The following COL11A2 variants were observed in gnomAD, a reference collection of about 807,000 sequenced individuals.
The protein encoded by COL11A2 is collagen type XI alpha 2 chain.
In COL11A2, 116 loss-of-function variants were observed where a neutral mutation model predicts 273.4. That is an observed-to-expected ratio of 0.42 (90% CI 0.36 to 0.49). COL11A2 has a LOEUF of 0.49. Ranked by LOEUF, COL11A2 falls within the 20% of genes least tolerant of loss-of-function variation. The pLI is 0.00. For synonymous variants in COL11A2, 782 were observed against 864.2 expected, an observed-to-expected ratio of 0.90 and a Z score of 1.67; for missense variants, 1,866 against 2,309.0, an observed-to-expected ratio of 0.81 and a Z score of 3.93.
rs778423110 is a variant in COL11A2, at chr6:33,167,522, G to A, written c.4026C>T (p.Gly1342=). Residue 1342 remains glycine, a synonymous_variant, in exon 56 of 66, where the codon GGC becomes GGT. Transcript: ENST00000341947. The surrounding 1 kb of genome is among the most constrained non-coding windows in gnomAD (Gnocchi z 6.1). ...CTGTCTTCCCCGGGGCACCTATAGC[G>A]CCAGGATCTCCCTGAAACACACACA... ...QGGKGAKGDP[G]AIGAPGKTGP... 39 of 1,612,672 alleles carry A rather than the reference G, an allele frequency of 2.4e-5. No homozygotes were observed. Among genetic ancestry groups the A allele is most frequent in the East Asian group, 2.0e-4 (9 of 44,882 alleles).
chr6:33,186,057 T>C (rs796622325), intron 5 of COL11A2, among the ~76,000 whole-genome samples: 6 of 151,920 alleles, frequency 3.9e-5, no homozygotes, highest in African/African-American at 1.4e-4. Context: ...CCAGAGCCTA[T>C]CTGTATTCTA....
Position 33,171,291 on chromosome 6 carries a change from T to G in COL11A2, c.3292A>C (p.Lys1098Gln), listed in dbSNP as rs773038873. ...EVGDPGQKGT[K>Q]GNKGEHGPPG... ...CTTACATGTTCACCCTTGTTCCCTT[T>G]GGTGCCCTTCTGTCCGGGGTCCCCC... The change falls in exon 44 of 66, where the codon AAA (lysine) becomes CAA (glutamine). Residue 1098 changes from lysine (K) to glutamine (Q), a missense_variant. Physicochemically the swap from Lys to Gln is moderately conservative, Grantham distance 53. Transcript: ENST00000341947. 1 of 1,614,198 alleles carries G rather than the reference T, an allele frequency of 6.2e-7. No individual in the cohort carries two copies. The highest frequency in any genetic ancestry group is 1.1e-5 in the South Asian group (1 of 91,090).
In COL11A2 at chr6:33,178,967, C is replaced by T; in HGVS notation, c.1618G>A (p.Ala540Thr). The change falls in exon 17 of 66, where the codon GCA becomes ACA. Residue 540 changes from alanine to threonine, a missense_variant. Coordinates refer to ENST00000341947, the MANE Select transcript of COL11A2 (RefSeq NM_080680.3). This position sits in a 1 kb window ranked among gnomAD's most constrained non-coding sequence, Gnocchi z 4.6. ...ATCCCTCGGGCTCCATCAGCACCTG[C>T]CCGGCCCTGGGAGAACAAGGGAAGT... is the stretch of plus-strand genomic sequence containing the variant. The part of the protein sequence containing the change: ...PPGKAGRRGR[A>T]GADGARGMPG... 1 of 1,614,052 alleles carries T rather than the reference C, an allele frequency of 6.2e-7. No homozygotes were observed. The highest frequency in any genetic ancestry group is 8.5e-7 in the Non-Finnish European group (1 of 1,179,972).
chr6:33,181,220 A>G (rs1480072844), intron 8 of COL11A2, 50 bp from the exon 9 acceptor site: 2 of 1,583,142 alleles, frequency 1.3e-6, no homozygotes, highest in East Asian at 4.5e-5. Context: ...AGCAGCCAGG[A>G]CACTAGGCCT....
chr6:33,192,089 T>G, intron 1 of COL11A2, 70 bp downstream of exon 1: 1 of 1,420,764 alleles, frequency 7.0e-7, no homozygotes, highest in Non-Finnish European at 9.7e-7. Flanking sequence ...AGGCATCAGC[T>G]GGCCCCTTCC....
rs746830681 is a variant in COL11A2, at chr6:33,177,121, A to G, written c.2016+60T>C. ...ACAGACAAAATCCCAGCAGACATTTAGGGTTCTCCCTACATCCCCACTCTA... is the reference window on the plus strand; with the variant it reads ...ACAGACAAAATCCCAGCAGACATTTGGGGTTCTCCCTACATCCCCACTCTA... On this transcript the variant is annotated intron_variant, in intron 24 of 65. Transcript: ENST00000341947. The surrounding 1 kb of genome is among the most constrained non-coding windows in gnomAD (Gnocchi z 5.9). 1.2e-6 allele frequency: 2 copies of G among 1,612,450 alleles called. No individual in the cohort carries two copies. Among genetic ancestry groups the G allele is most frequent in the Non-Finnish European group, 1.7e-6 (2 of 1,179,576 alleles).
intron 41 of COL11A2, 100 bp from the exon 42 acceptor site, chr6:33,171,920 C>T: frequency 6.5e-6 from 10 of 1,534,386 alleles, no homozygotes; most frequent in Non-Finnish European, 9.0e-6. Context: ...AAATCAGATG[C>T]ATTCTGGCTG....
At position 33,166,699 on chromosome 6, in the gene COL11A2, G is replaced by C. The variant is rs375023453; in HGVS notation, c.4338+21C>G. On this transcript the variant is annotated intron_variant, in intron 59 of 65. Coordinates refer to ENST00000341947, the MANE Select transcript of COL11A2 (RefSeq NM_080680.3). The surrounding 1 kb of genome is among the most constrained non-coding windows in gnomAD (Gnocchi z 4.8). ...CCCACTCTCAACCCCCACAACTTCC[G>C]GGACCATGCCCTCTACTCACCATCT... 7.4e-6 allele frequency: 12 copies of C among 1,613,552 alleles called. No individual in the cohort carries two copies. Among genetic ancestry groups the C allele is most frequent in the Non-Finnish European group, 1.0e-5 (12 of 1,179,802 alleles).
Position 33,167,499 on chromosome 6 carries a change from G to C in COL11A2, c.4049C>G (p.Thr1350Arg), listed in dbSNP as rs1006789951. The part of the protein sequence containing the change: ...DPGAIGAPGK[T>R]GPVGPAGPAG... Reference sequence around the variant, plus strand: ...TGGGCCTGCAGGACCCACCGGGCCTGTCTTCCCCGGGGCACCTATAGCGCC... The same window carrying C: ...TGGGCCTGCAGGACCCACCGGGCCTCTCTTCCCCGGGGCACCTATAGCGCC... The change falls in exon 56 of 66, where the codon ACA (threonine) becomes AGA (arginine). Residue 1350 changes from threonine (T) to arginine (R), a missense_variant. By Grantham distance (71) the Thr-to-Arg change is moderately conservative. Coordinates refer to ENST00000341947, the MANE Select transcript of COL11A2 (RefSeq NM_080680.3). The surrounding 1 kb of genome is among the most constrained non-coding windows in gnomAD (Gnocchi z 6.1). 1 of 1,612,752 alleles carries C rather than the reference G, an allele frequency of 6.2e-7. No homozygotes were observed. The highest frequency in any genetic ancestry group is 1.1e-5 in the South Asian group (1 of 91,094).
At chr6:33,191,559 C>T (rs1026816264) in intron 1 of COL11A2, among the ~76,000 whole-genome samples, 5 of 152,268 alleles carry the variant, frequency 3.3e-5, no homozygotes, top group Non-Finnish European at 4.4e-5. Context: ...GCCTCAGACA[C>T]CTGATCCTGG....
Position 33,165,551 on chromosome 6 carries a change from T to C in COL11A2, c.4748A>G (p.Asp1583Gly), listed in dbSNP as rs779832829. 23 of 1,612,596 alleles carry C rather than the reference T, an allele frequency of 1.4e-5. No homozygotes were observed. Among genetic ancestry groups the C allele is most frequent in the Non-Finnish European group, 1.9e-5 (23 of 1,180,000 alleles). Residue 1583 changes from aspartate (D) to glycine (G), a missense_variant and splice_region_variant, in exon 63 of 66, where the codon GAT becomes GGT. Physicochemically the swap from Asp to Gly is moderately conservative, Grantham distance 94. Transcript: ENST00000341947. This position sits in a 1 kb window ranked among gnomAD's most constrained non-coding sequence, Gnocchi z 7.7. ...TGCACCCTGAGGCTAGCACTGACCATCGGGAAGCTCTGGGTGGCACAGCTT... is the reference window on the plus strand; with the variant it reads ...TGCACCCTGAGGCTAGCACTGACCACCGGGAAGCTCTGGGTGGCACAGCTT... ...DLKLCHPELP[D>G]GEYWVDPNQG...
Position 33,169,497 on chromosome 6 carries a change from A to G in COL11A2, c.3691-7T>C, listed in dbSNP as rs1459767980. 1 of 1,612,418 alleles carries G rather than the reference A, an allele frequency of 6.2e-7. No individual in the cohort carries two copies. Among genetic ancestry groups the G allele is most frequent in the Admixed American group, 1.7e-5 (1 of 60,008 alleles). Reference sequence around the variant, plus strand: ...CACGTTCCCCGCGTGGACCCTGCAGAACAAGCGGAGGACACAGATGGCCCA... The same window carrying G: ...CACGTTCCCCGCGTGGACCCTGCAGGACAAGCGGAGGACACAGATGGCCCA... On this transcript the variant is annotated splice_polypyrimidine_tract_variant and splice_region_variant and intron_variant, in intron 50 of 65. Transcript: ENST00000341947. The surrounding 1 kb of genome is among the most constrained non-coding windows in gnomAD (Gnocchi z 5.5).
intron 4 of COL11A2, among the ~76,000 whole-genome samples, chr6:33,187,332 G>A (rs1772559804): frequency 6.6e-6 from 1 of 152,196 alleles, no homozygotes; most frequent in Non-Finnish European, 1.5e-5. Flanking sequence ...GCCCACACAT[G>A]GTGCTTAGCA....
At position 33,168,884 on chromosome 6, in the gene COL11A2, C is replaced by T. The variant is rs371083470; in HGVS notation, c.3852+71G>A. 2.3e-4 allele frequency: 360 copies of T among 1,580,664 alleles called. 37 individuals carry two copies. Among genetic ancestry groups the T allele is most frequent in the East Asian group, 1.4e-3 (61 of 43,096 alleles). ...CCGGCTTCCCAATACCCAAGCCCAG[C>T]GGCCACACAGAGGACCCCCCCATAG... On this transcript the variant is annotated intron_variant, in intron 52 of 65. Coordinates refer to ENST00000341947, the MANE Select transcript of COL11A2 (RefSeq NM_080680.3).
intron 7 of COL11A2, 85 bp downstream of exon 7, chr6:33,184,907 G>T: frequency 1.8e-6 from 2 of 1,138,206 alleles, no homozygotes; most frequent in Non-Finnish European, 2.6e-6. Context: ...GGAGGGGCTG[G>T]TCCATCAAGA....
rs1363829445 is a variant in COL11A2, at chr6:33,175,625, T to C, written c.2325A>G (p.Gly775=). The C allele has an allele frequency of 1.2e-6, 2 of 1,612,862 alleles. No individual in the cohort carries two copies. The highest frequency in any genetic ancestry group is 1.1e-5 in the South Asian group (1 of 91,064). Residue 775 remains glycine, a synonymous_variant, in exon 30 of 66, where the codon GGA becomes GGG. Coordinates refer to ENST00000341947, the MANE Select transcript of COL11A2 (RefSeq NM_080680.3). ...CAGGGTCTCCAGTCGGTCCAGTGCG[T>C]CCCTTTGGCCCCTCAGGACCATCCT... ...RGEDGPEGPK[G]RTGPTGDPGP... is the part of the protein sequence containing the mutation.
rs377292380 is a variant in COL11A2 at position 33,177,084 on chromosome 6, T to A, written c.2017-39A>T. Reference sequence around the variant, plus strand: ...AAGAGGCTCAGGGTCACTAGAGGGGTCATGTCTGGACACAGACAAAATCCC... The same window carrying A: ...AAGAGGCTCAGGGTCACTAGAGGGGACATGTCTGGACACAGACAAAATCCC... On this transcript the variant is annotated intron_variant, in intron 24 of 65. Transcript: ENST00000341947. This position sits in a 1 kb window ranked among gnomAD's most constrained non-coding sequence, Gnocchi z 5.9. 2 of 1,612,426 alleles carry A rather than the reference T, an allele frequency of 1.2e-6. No homozygotes were observed. Among genetic ancestry groups the A allele is most frequent in the Non-Finnish European group, 1.7e-6 (2 of 1,179,748 alleles).
Position 33,166,343 on chromosome 6 carries a change from A to G in COL11A2, c.4393-137T>C. 7.7e-7 allele frequency: 1 copy of G among 1,294,006 alleles called. No individual in the cohort carries two copies. The highest frequency in any genetic ancestry group is 1.1e-6 in the Non-Finnish European group (1 of 937,156). The allele number at this position is 1,294,006 out of a possible 1,614,324, so 80.2% of individuals were successfully genotyped here. On this transcript the variant is annotated intron_variant, in intron 60 of 65. Coordinates refer to ENST00000341947, the MANE Select transcript of COL11A2 (RefSeq NM_080680.3). This position sits in a 1 kb window ranked among gnomAD's most constrained non-coding sequence, Gnocchi z 4.8. ...GGCAGTCTTGTGGGAATACTAGGAC[A>G]TTCAGAGCCCTGGAAGTATGGGGAG...
In COL11A2 at chr6:33,173,967, C is replaced by T; in HGVS notation, c.2530-41G>A. On this transcript the variant is annotated intron_variant, in intron 33 of 65. Coordinates refer to ENST00000341947, the MANE Select transcript of COL11A2 (RefSeq NM_080680.3). This position sits in a 1 kb window ranked among gnomAD's most constrained non-coding sequence, Gnocchi z 6.3. ...GAGTTGTCAGAGAAACCCAAATGCC[C>T]CCCTCTGGACCTTGAGCCACCTGTT... is the stretch of plus-strand genomic sequence containing the variant. 6.2e-7 allele frequency: 1 copy of T among 1,614,062 alleles called. No homozygotes were observed. The highest frequency in any genetic ancestry group is 8.5e-7 in the Non-Finnish European group (1 of 1,179,982).
Sources: gnomAD v4.1 joint callset for allele counts (sites outside exome capture counted in the v4.1 genomes callset) on GRCh38, gnomAD v4.1.1 for gene constraint, Gnocchi (gnomAD v3.1) non-coding constraint, MANE v1.5 for transcripts, NCBI Gene and HGNC (gene_info 2026-07-23, HGNC 2026-07-21) for gene names.